Variants in MYO15B observed in about 807,000 individuals in gnomAD.
MYO15B encodes myosin XVB, also known as myosin XVB pseudogene.
Under a neutral mutation model 119.3 loss-of-function variants are expected in MYO15B, and 207 were observed. The ratio of observed to expected loss-of-function variants is 1.73; its 90% CI spans 1.55 to 1.95. The LOEUF is 1.95. Among genes scored for constraint, MYO15B ranks in the 30% most tolerant of loss-of-function variants. MYO15B has a pLI of 0.00. For missense variants in MYO15B, 2,264 were observed against 1,203.1 expected (o/e 1.88, Z -13.04); for synonymous variants, 966 against 498.9 (o/e 1.94, Z -12.48).
chr17:75,621,954 A>G lies in MYO15B; in HGVS notation c.8006-50A>G, dbSNP rs1282870157. On this transcript the variant is annotated intron_variant, in intron 52 of 63. Transcript: ENST00000645453. ...CACAGCAACAGCATGAGCCGGGGCCAGCCCCAGCACAGCCCCAGCTATGTG... is the reference window on the plus strand; with the variant it reads ...CACAGCAACAGCATGAGCCGGGGCCGGCCCCAGCACAGCCCCAGCTATGTG... The G allele has an allele frequency of 4.3e-6, 3 of 698,918 alleles. No homozygotes were observed. The Admixed American group carries it at 6.0e-5, about 14-fold the overall frequency. The allele number at this position is 698,918 out of a possible 1,614,324, so 43.3% of individuals were successfully genotyped here.
At chr17:75,611,769 C>T in intron 24 of MYO15B, 111 bp downstream of exon 24, 2 of 694,214 alleles carry the variant, frequency 2.9e-6, no homozygotes, top group Admixed American at 2.0e-5. Flanking sequence ...CCCCTGAGCT[C>T]ATCACTTGGG....
intron 21 of MYO15B, 43 bp downstream of exon 21, chr17:75,606,064 G>C (rs1407230989): frequency 1.6e-6 from 1 of 642,634 alleles, no homozygotes; most frequent in Admixed American, 2.3e-5. Flanking sequence ...GTGGGGTGAG[G>C]CCGTGGGTTC....
chr17:75,613,629 G>C (rs2058169103), intron 28 of MYO15B, 76 bp from the exon 29 acceptor site: 1 of 676,156 alleles, frequency 1.5e-6, no homozygotes, highest in Admixed American at 2.2e-5. Context: ...AAACTCTCAT[G>C]GGGACAGCAG....
At chr17:75,612,049 C>A in intron 25 of MYO15B, 33 bp downstream of exon 25, 1 of 701,028 alleles carries the variant, frequency 1.4e-6, no homozygotes, top group Non-Finnish European at 2.6e-6. Flanking sequence ...TTCCCGCTGG[C>A]CTCACCGCTC....
At chr17:75,592,477 T>C (rs1035948127) in exon 8 of MYO15B, 1 of 612,526 alleles carries the variant, frequency 1.6e-6, no homozygotes, top group Non-Finnish European at 2.9e-6. Context: ...CTGGCAGGGC[T>C]GGACTCCATA....
chr17:75,616,038 C>A, intron 36 of MYO15B, 31 bp from the exon 37 acceptor site: 1 of 580,010 alleles, frequency 1.7e-6, no homozygotes, highest in Admixed American at 3.3e-5. Flanking sequence ...CCCAGGCTGG[C>A]TGAGCTGCCA....
chr17:75,595,063 G>A (rs2056763490), intron 12 of MYO15B, 91 bp downstream of exon 12: 1 of 662,134 alleles, frequency 1.5e-6, no homozygotes, highest in African/African-American at 1.8e-5. Flanking sequence ...CTCCCTGGGG[G>A]CACTCGCGAG....
At position 75,613,587 on chromosome 17, in the gene MYO15B, C is replaced by T; in HGVS notation, c.5146+116C>T. 3 of 647,868 alleles carry T rather than the reference C, an allele frequency of 4.6e-6. No individual in the cohort carries two copies. The South Asian group carries it at 5.1e-5, about 11-fold the overall frequency. The allele number at this position is 647,868 out of a possible 1,614,324, so 40.1% of individuals were successfully genotyped here. Reference sequence around the variant, plus strand: ...CTTCCTGCTGCCCTGTCCTCAGTGACCCTGATCCCCCTCCCCTCTGTCCTG... The same window carrying T: ...CTTCCTGCTGCCCTGTCCTCAGTGATCCTGATCCCCCTCCCCTCTGTCCTG... On this transcript the variant is annotated intron_variant, in intron 28 of 63. Coordinates refer to ENST00000645453, the Ensembl canonical transcript of MYO15B.
In MYO15B at chr17:75,612,084, G is replaced by A. The variant is rs2058063609; in HGVS notation, c.4635+68G>A. 48 of 679,404 alleles carry A rather than the reference G, an allele frequency of 7.1e-5. No individual in the cohort carries two copies. The South Asian group carries it at 7.2e-4, about 10-fold the overall frequency. The allele number at this position is 679,404 out of a possible 1,614,324, so 42.1% of individuals were successfully genotyped here. On this transcript the variant is annotated intron_variant, in intron 25 of 63. Coordinates refer to ENST00000645453, the Ensembl canonical transcript of MYO15B. Reference sequence around the variant, plus strand: ...CTGAGTTAGCACCTGCCTGACAGATGCTGCGTTTTTTTCCCCGCTGTCAGC... The same window carrying A: ...CTGAGTTAGCACCTGCCTGACAGATACTGCGTTTTTTTCCCCGCTGTCAGC...
chr17:75,614,301 G>T, exon 30 of MYO15B: 1 of 702,910 alleles, frequency 1.4e-6, no homozygotes, highest in Non-Finnish European at 2.6e-6. Context: ...TGATCAGCCA[G>T]ACTGAGGACC....
At chr17:75,625,174 G>A (rs763965624) in exon 60 of MYO15B, 55 of 702,416 alleles carry the variant, frequency 7.8e-5, no homozygotes, top group Non-Finnish European at 1.1e-4. Flanking sequence ...CAAGGCAGAC[G>A]CGCAGCTCGC....
chr17:75,617,237 C>CCCACCT lies in MYO15B; in HGVS notation c.6753_6758dup (p.Pro2252_Pro2253dup), dbSNP rs770808266. ...AGAAGCTGCCTATTGCCCACACACC[C>CCCACCT]CCACCTCCACCAGCGCCACCACTGC... On this transcript the variant is annotated inframe_insertion, in exon 41 of 64. Coordinates refer to ENST00000645453, the Ensembl canonical transcript of MYO15B. The CCCACCT allele has an allele frequency of 1.2e-4, 80 of 694,708 alleles. 2 individuals are homozygous for CCCACCT. The highest frequency in any genetic ancestry group is 1.1e-3 in the South Asian group (74 of 66,952). The allele number at this position is 694,708 out of a possible 1,614,324, so 43.0% of individuals were successfully genotyped here. A position where few individuals can be genotyped will look rare whatever the true frequency, so the allele number is the denominator to read the frequency against.
Position 75,605,495 on chromosome 17 carries a change from T to G in MYO15B, c.4017-9T>G. 1 of 701,534 alleles carries G rather than the reference T, an allele frequency of 1.4e-6. No individual in the cohort carries two copies. Among genetic ancestry groups the G allele is most frequent in the Non-Finnish European group, 2.6e-6 (1 of 384,804 alleles). The allele number at this position is 701,534 out of a possible 1,614,324, so 43.5% of individuals were successfully genotyped here. A position where few individuals can be genotyped will look rare whatever the true frequency, so the allele number is the denominator to read the frequency against. On this transcript the variant is annotated splice_polypyrimidine_tract_variant and intron_variant, in intron 19 of 63. Transcript: ENST00000645453. ...GGCTATTCTGATCTCAGCTCCATCC[T>G]TGGAGCAGCTTCCAGGCCCTGGGGT... is the stretch of plus-strand genomic sequence containing the variant.
chr17:75,589,097 C>T lies in MYO15B; in HGVS notation c.1040C>T (p.Pro347Leu). Residue 347 changes from proline (P) to leucine (L), a missense_variant, in exon 1 of 64, where the codon CCC (proline) becomes CTC (leucine). Physicochemically the swap from Pro to Leu is moderately conservative, Grantham distance 98. Coordinates refer to ENST00000645453, the Ensembl canonical transcript of MYO15B. This position sits in a 1 kb window ranked among gnomAD's most constrained non-coding sequence, Gnocchi z 4.2. The stretch of plus-strand genomic sequence containing the variant: ...GTGGTCCGCAGGCTCCTCGCGAGGC[C>T]CCCGCCAGGCGCCGCTTCCCAGGCC... 7.6e-6 allele frequency: 3 copies of T among 393,266 alleles called. No individual in the cohort carries two copies. Among genetic ancestry groups the T allele is most frequent in the Non-Finnish European group, 9.0e-6 (2 of 222,574 alleles). The allele number at this position is 393,266 out of a possible 1,614,324, so 24.4% of individuals were successfully genotyped here. A position where few individuals can be genotyped will look rare whatever the true frequency, so the allele number is the denominator to read the frequency against.
chr17:75,607,561 C>T (rs1023867995), intron 21 of MYO15B, among the ~76,000 whole-genome samples: 1 of 151,904 alleles, frequency 6.6e-6, no homozygotes, highest in African/African-American at 2.4e-5. Context: ...AGCAATTCTC[C>T]TGCCTCAGTC....
Position 75,606,024 on chromosome 17 carries a change from C to A in MYO15B, c.4292+3C>A. ...CGCATGCGTGGGTTCCAGGCCAGGTCTGCAGGCGTTGGAGCCAGGGCTGAA... is the reference window on the plus strand; with the variant it reads ...CGCATGCGTGGGTTCCAGGCCAGGTATGCAGGCGTTGGAGCCAGGGCTGAA... On this transcript the variant is annotated splice_donor_region_variant and intron_variant, in intron 21 of 63. Transcript: ENST00000645453. 1.5e-6 allele frequency: 1 copy of A among 688,156 alleles called. No homozygotes were observed. Among genetic ancestry groups the A allele is most frequent in the Non-Finnish European group, 2.7e-6 (1 of 375,008 alleles). 42.6% of individuals were successfully genotyped at this position (688,156 alleles called of 1,614,324 possible).
chr17:75,620,666 G>A (rs2058654852), intron 49 of MYO15B, 30 bp downstream of exon 49: 1 of 693,768 alleles, frequency 1.4e-6, no homozygotes, highest in African/African-American at 1.8e-5. Context: ...GACAAGCAGA[G>A]GCAAGGCCTG....
intron 21 of MYO15B, among the ~76,000 whole-genome samples, chr17:75,608,045 G>A (rs1469674259): frequency 6.6e-6 from 1 of 152,110 alleles, no homozygotes. Context: ...GACTAATGAC[G>A]TTGAGCATCT....
chr17:75,613,119 A>G (rs2058131913), exon 27 of MYO15B: 1 of 702,770 alleles, frequency 1.4e-6, no homozygotes, highest in South Asian at 1.5e-5. Flanking sequence ...CAGAACCCAG[A>G]TGAACAGCAG....
Sources: gnomAD v4.1 joint callset for allele counts (sites outside exome capture counted in the v4.1 genomes callset) on GRCh38, gnomAD v4.1.1 for gene constraint, Gnocchi (gnomAD v3.1) non-coding constraint, MANE v1.5 for transcripts, NCBI Gene and HGNC (gene_info 2026-07-23, HGNC 2026-07-21) for gene names.